Variants in RASSF8 observed in about 807,000 individuals in gnomAD.
The protein encoded by RASSF8 is ras association domain-containing protein 8.
In RASSF8, 22 loss-of-function variants were observed where a neutral mutation model predicts 48.5. That is an observed-to-expected ratio of 0.45 (90% CI 0.32 to 0.65). The LOEUF (loss-of-function observed/expected upper bound fraction) is 0.65. RASSF8 is among the 30% of genes least tolerant of loss of function. The probability of loss-of-function intolerance (pLI) is 0.03; values close to 1 mark genes in which losing one functional copy is unlikely to be tolerated. For missense variants in RASSF8, 418 were observed against 489.2 expected (o/e 0.85, Z 1.37); for synonymous variants, 127 against 171.5 (o/e 0.74, Z 2.03).
chr12:25,981,851 C>A (rs1179278601), intron 1 of RASSF8, among the ~76,000 whole-genome samples: 1 of 152,178 alleles, frequency 6.6e-6, no homozygotes, highest in Non-Finnish European at 1.5e-5. Flanking sequence ...GCGTTCAAAG[C>A]CATCCTCCCT....
At chr12:26,060,235 A>G (rs1943711695) in intron 3 of RASSF8, among the ~76,000 whole-genome samples, 2 of 152,318 alleles carry the variant, frequency 1.3e-5, no homozygotes, top group Admixed American at 1.3e-4. Context: ...AGCTTATCAT[A>G]TAATTCTAAG....
intron 1 of RASSF8, among the ~76,000 whole-genome samples, chr12:25,971,679 G>A (rs1051146490): frequency 2.0e-5 from 3 of 152,030 alleles, no homozygotes; most frequent in Admixed American, 6.6e-5. Flanking sequence ...TTTTATTAGC[G>A]CTTAAAAAAT....
At chr12:25,963,124 C>T (rs1300535072) in intron 1 of RASSF8, among the ~76,000 whole-genome samples, 1 of 152,014 alleles carries the variant, frequency 6.6e-6, no homozygotes, top group East Asian at 1.9e-4. Context: ...ATTGGGAAAA[C>T]TTTAGTAGAA....
chr12:25,988,241 G>T (rs1451136517), intron 1 of RASSF8, among the ~76,000 whole-genome samples: 1 of 152,072 alleles, frequency 6.6e-6, no homozygotes, highest in African/African-American at 2.4e-5. Context: ...TTTAAAATAA[G>T]TTTTTTTGAG....
intron 2 of RASSF8, among the ~76,000 whole-genome samples, chr12:26,032,133 A>C (rs931794454): frequency 6.6e-6 from 1 of 152,088 alleles, no homozygotes; most frequent in Non-Finnish European, 1.5e-5. Context: ...TGCTTTTTTG[A>C]AAAGGTCCTT....
rs1229409930 is a variant in RASSF8, at chr12:26,068,999, T to C, written c.*181T>C. On this transcript the variant is annotated 3_prime_UTR_variant, in exon 6 of 6. Coordinates refer to ENST00000689635, the MANE Select transcript of RASSF8 (RefSeq NM_001394098.1). Reference sequence around the variant, plus strand: ...CACTGATGCTAAAGAACAAAGAAACTGTGTTTTCACACATCAACAGTGTTG... The same window carrying C: ...CACTGATGCTAAAGAACAAAGAAACCGTGTTTTCACACATCAACAGTGTTG... 1.5e-6 allele frequency: 2 copies of C among 1,333,230 alleles called. No homozygotes were observed. Among genetic ancestry groups the C allele is most frequent in the Non-Finnish European group, 1.9e-6 (2 of 1,039,946 alleles). The allele number at this position is 1,333,230 out of a possible 1,614,324, so 82.6% of individuals were successfully genotyped here. A position where few individuals can be genotyped will look rare whatever the true frequency, so the allele number is the denominator to read the frequency against.
At chr12:26,003,467 A>G (rs968950778) in intron 2 of RASSF8, among the ~76,000 whole-genome samples, 10 of 152,228 alleles carry the variant, frequency 6.6e-5, no homozygotes, top group African/African-American at 2.2e-4. Context: ...ATGCTCATAC[A>G]GTGCAACTAG....
downstream of RASSF8, among the ~76,000 whole-genome samples, chr12:26,073,849 C>CACACACACACACACATAT (rs35014279): frequency 8.3e-4 from 119 of 144,188 alleles, 2 homozygotes; most frequent in South Asian, 4.6e-3. Context: ...CACACACACA[C>CACACACACACACACATAT]ATATATATAT....
downstream of RASSF8, among the ~76,000 whole-genome samples, chr12:26,077,114 T>C (rs1944079686): frequency 6.6e-6 from 1 of 152,252 alleles, no homozygotes; most frequent in South Asian, 2.1e-4. Flanking sequence ...ATGGGGTTGC[T>C]TTTTTCTTGT....
chr12:26,000,009 T>C (rs1256311516), intron 2 of RASSF8, among the ~76,000 whole-genome samples: 1 of 152,204 alleles, frequency 6.6e-6, no homozygotes, highest in Admixed American at 6.5e-5. Flanking sequence ...GATTTGTAAG[T>C]TGAATATAAC....
intron 2 of RASSF8, among the ~76,000 whole-genome samples, chr12:26,021,960 A>T (rs978959024): frequency 1.3e-5 from 2 of 152,244 alleles, no homozygotes; most frequent in African/African-American, 4.8e-5. Flanking sequence ...TTTTAAGAGC[A>T]GTAGGCTAAA....
chr12:26,048,256 G>A (rs1943415332), intron 2 of RASSF8, among the ~76,000 whole-genome samples: 1 of 152,198 alleles, frequency 6.6e-6, no homozygotes, highest in Non-Finnish European at 1.5e-5. Flanking sequence ...CCTGGAGAAA[G>A]TACCATCATT....
intron 5 of RASSF8, among the ~76,000 whole-genome samples, chr12:26,068,073 C>G (rs938731392): frequency 1.3e-5 from 2 of 152,144 alleles, no homozygotes; most frequent in Non-Finnish European, 2.9e-5. Context: ...GCCCGACCAT[C>G]TGCTTAACTT....
downstream of RASSF8, among the ~76,000 whole-genome samples, chr12:26,073,920 T>C (rs1183107295): frequency 6.6e-6 from 1 of 151,718 alleles, no homozygotes; most frequent in Non-Finnish European, 1.5e-5. Flanking sequence ...CAACTTTCTT[T>C]AGGGCCACAT....
chr12:26,078,502 T>C (rs139439783), intron 5 of RASSF8, among the ~76,000 whole-genome samples: 18 of 152,338 alleles, frequency 1.2e-4, no homozygotes, highest in African/African-American at 3.6e-4. Flanking sequence ...TTGGAATATA[T>C]AGGCCTTTTC....
intron 1 of RASSF8, among the ~76,000 whole-genome samples, chr12:25,962,253 G>A (rs1322100812): frequency 7.9e-5 from 12 of 152,150 alleles, no homozygotes; most frequent in Non-Finnish European, 2.9e-5. Context: ...TGTGGCTCAT[G>A]CTGTTGGTCT....
chr12:26,059,075 C>T lies in RASSF8; in HGVS notation c.103+3629C>T, dbSNP rs145545900. ...TCAGAGTCTAAACTGCTTCTCAAATCTAAGTGAAACAGAAAGCCTTTGACA... is the reference window on the plus strand; with the variant it reads ...TCAGAGTCTAAACTGCTTCTCAAATTTAAGTGAAACAGAAAGCCTTTGACA... On this transcript the variant is annotated intron_variant, in intron 3 of 5. Coordinates refer to ENST00000689635, the MANE Select transcript of RASSF8 (RefSeq NM_001394098.1). Among the ~76,000 whole-genome samples the T allele has an allele frequency of 1.5e-3, 236 of 152,316 alleles. 1 individual carries two copies. The highest frequency in any genetic ancestry group is 5.4e-3 in the African/African-American group (224 of 41,568).
intron 5 of RASSF8, among the ~76,000 whole-genome samples, chr12:26,078,368 G>C (rs1435345631): frequency 6.6e-6 from 1 of 152,164 alleles, no homozygotes; most frequent in Non-Finnish European, 1.5e-5. Context: ...GGAAGTGTGG[G>C]CAGGCCATGC....
intron 2 of RASSF8, among the ~76,000 whole-genome samples, chr12:26,053,763 T>G (rs1943544336): frequency 6.6e-6 from 1 of 152,210 alleles, no homozygotes; most frequent in Non-Finnish European, 1.5e-5. Flanking sequence ...AAACCTATGC[T>G]GTGTCATATG....
Sources: allele counts gnomAD v4.1 joint callset (sites outside exome capture counted in the v4.1 genomes callset), GRCh38; gene constraint gnomAD v4.1.1; transcripts MANE v1.5; gene names NCBI Gene and HGNC (gene_info 2026-07-23, HGNC 2026-07-21).